Variants in UBE4B observed in about 807,000 individuals in gnomAD.
The protein encoded by UBE4B is ubiquitination factor E4B, also known as ubiquitin conjugation factor E4 B.
Under a neutral mutation model 148.1 loss-of-function variants are expected in UBE4B, and 27 were observed. That is an observed-to-expected ratio of 0.18 (90% CI 0.13 to 0.25). The LOEUF (loss-of-function observed/expected upper bound fraction) is 0.25. UBE4B is among the 10% of genes least tolerant of loss of function. The probability of loss-of-function intolerance (pLI) is 1.00; values close to 1 mark genes in which losing one functional copy is unlikely to be tolerated. For missense variants in UBE4B, 1,170 were observed against 1,662.4 expected, an observed-to-expected ratio of 0.70 and a Z score of 5.15; for synonymous variants, 596 against 619.3, an observed-to-expected ratio of 0.96 and a Z score of 0.56.
intron 23 of UBE4B, among the ~76,000 whole-genome samples, chr1:10,165,023 C>T (rs546537257): frequency 7.2e-5 from 11 of 152,174 alleles, no homozygotes; most frequent in Admixed American, 3.9e-4. Context: ...TGATGTCCCC[C>T]GGTGAACATC....
At chr1:10,175,719 C>T (rs1646419433) in intron 25 of UBE4B, among the ~76,000 whole-genome samples, 3 of 151,916 alleles carry the variant, frequency 2.0e-5, no homozygotes. Flanking sequence ...GTCACACTTC[C>T]CCCATGCAGT....
At chr1:10,074,112 A>G (rs986627160) in intron 2 of UBE4B, among the ~76,000 whole-genome samples, 12 of 151,792 alleles carry the variant, frequency 7.9e-5, no homozygotes, top group African/African-American at 2.9e-4. Context: ...CTCTGGCCTC[A>G]TATTTCATTG....
chr1:10,149,071 A>G, intron 19 of UBE4B, 113 bp from the exon 20 acceptor site: 2 of 730,762 alleles, frequency 2.7e-6, no homozygotes, highest in Non-Finnish European at 4.4e-6. Flanking sequence ...ATAGTATTAC[A>G]GAATGATTTT....
intron 17 of UBE4B, among the ~76,000 whole-genome samples, chr1:10,141,354 C>T (rs1009855372): frequency 6.6e-6 from 1 of 151,910 alleles, no homozygotes; most frequent in South Asian, 2.1e-4. Flanking sequence ...CAGGGAGAGA[C>T]GGAATGTGAT....
At position 10,095,608 on chromosome 1, in the gene UBE4B, C is replaced by A. The variant is rs753730258; in HGVS notation, c.347+12C>A. 2 of 1,613,658 alleles carry A rather than the reference C, an allele frequency of 1.2e-6. No homozygotes were observed. The highest frequency in any genetic ancestry group is 4.5e-5 in the East Asian group (2 of 44,872). Reference sequence around the variant, plus strand: ...TCATGTGAGAAAAGGTAAAATGAAGCCAGTTTTCTAATATGCTCTTTTATT... The same window carrying A: ...TCATGTGAGAAAAGGTAAAATGAAGACAGTTTTCTAATATGCTCTTTTATT... On this transcript the variant is annotated intron_variant, in intron 3 of 27. Coordinates refer to ENST00000343090, the MANE Select transcript of UBE4B (RefSeq NM_001105562.3).
intron 1 of UBE4B, among the ~76,000 whole-genome samples, chr1:10,034,952 C>T (rs1370978882): frequency 6.6e-6 from 1 of 151,724 alleles, no homozygotes; most frequent in East Asian, 1.9e-4. Flanking sequence ...TTCTTTCATT[C>T]GGTAGGAAAT....
intron 1 of UBE4B, among the ~76,000 whole-genome samples, chr1:10,062,302 C>T (rs147480170): frequency 2.1e-4 from 32 of 151,712 alleles, no homozygotes; most frequent in African/African-American, 7.2e-4. Flanking sequence ...AAAATACATT[C>T]GATGTGTGTT....
At chr1:10,095,424 C>G (rs1257878484) in intron 2 of UBE4B, 37 bp from the exon 3 acceptor site, 1 of 1,609,470 alleles carries the variant, frequency 6.2e-7, no homozygotes, top group South Asian at 1.1e-5. Flanking sequence ...AACATTATTT[C>G]ACATGGGGCT....
intron 1 of UBE4B, chr1:10,059,584 A>G: frequency 4.7e-6 from 1 of 212,564 alleles, no homozygotes. Flanking sequence ...CATTGAGCTC[A>G]TGCAGTTCCC....
intron 2 of UBE4B, among the ~76,000 whole-genome samples, chr1:10,092,822 C>CT (rs965888099): frequency 1.3e-5 from 2 of 150,644 alleles, no homozygotes; most frequent in Admixed American, 6.6e-5. Context: ...GAGTGAAACT[C>CT]TATCTCAAAA....
At chr1:10,165,985 GT>G (rs1646239868) in intron 23 of UBE4B, among the ~76,000 whole-genome samples, 1 of 152,172 alleles carries the variant, frequency 6.6e-6, no homozygotes, top group Non-Finnish European at 1.5e-5. Context: ...ACACATTTAG[GT>G]AGTTCACGCC....
intron 10 of UBE4B, among the ~76,000 whole-genome samples, chr1:10,123,643 G>T (rs1346236494): frequency 6.6e-6 from 1 of 152,094 alleles, no homozygotes; most frequent in Non-Finnish European, 1.5e-5. Context: ...TACACAAGAG[G>T]TTATGAAATG....
At chr1:10,150,868 A>G (rs1372269987) in intron 20 of UBE4B, among the ~76,000 whole-genome samples, 1 of 147,426 alleles carries the variant, frequency 6.8e-6, no homozygotes, top group Non-Finnish European at 1.5e-5. Flanking sequence ...TCAAGAAAAA[A>G]AAAAAAAAAT....
intron 9 of UBE4B, among the ~76,000 whole-genome samples, chr1:10,120,453 G>A (rs1444933908): frequency 6.6e-6 from 1 of 152,234 alleles, no homozygotes; most frequent in Non-Finnish European, 1.5e-5. Flanking sequence ...AACCCAGGAG[G>A]TGGAGGTTGC....
chr1:10,147,591 A>G (rs1645896123), intron 19 of UBE4B, among the ~76,000 whole-genome samples: 1 of 152,280 alleles, frequency 6.6e-6, no homozygotes, highest in Non-Finnish European at 1.5e-5. Flanking sequence ...ATTAGTTACA[A>G]TAATAGGCAA....
chr1:10,111,602 A>G (rs1470163632), intron 7 of UBE4B, among the ~76,000 whole-genome samples: 1 of 152,144 alleles, frequency 6.6e-6, no homozygotes, highest in African/African-American at 2.4e-5. Flanking sequence ...ATCCATTAGC[A>G]ACATTTGTTT....
At position 10,173,799 on chromosome 1, in the gene UBE4B, C is replaced by T. The variant is rs529160186; in HGVS notation, c.3525+2470C>T. 8.5e-5 allele frequency among the ~76,000 whole-genome samples: 13 copies of T among 152,290 alleles called. No individual in the cohort carries two copies. In the South Asian group the frequency reaches 2.1e-3, roughly 24 times the overall value. On this transcript the variant is annotated intron_variant, in intron 25 of 27. Transcript: ENST00000343090. ...TGGCTGCCACATCACAGGCGCTTAA[C>T]GTAACACACAGAAGGTTTCGGTGTG... is the stretch of plus-strand genomic sequence containing the variant.
At chr1:10,042,081 C>G (rs1470034696) in intron 1 of UBE4B, among the ~76,000 whole-genome samples, 1 of 152,160 alleles carries the variant, frequency 6.6e-6, no homozygotes, top group Non-Finnish European at 1.5e-5. Flanking sequence ...ATTACAGGCG[C>G]CCGCCGCCAG....
At chr1:10,057,154 T>A (rs1570794166) in intron 1 of UBE4B, among the ~76,000 whole-genome samples, 1 of 152,078 alleles carries the variant, frequency 6.6e-6, no homozygotes, top group East Asian at 1.9e-4. Flanking sequence ...ATATTTTAAG[T>A]ATTATGGGTG....
Sources: gnomAD v4.1 joint callset for allele counts (sites outside exome capture counted in the v4.1 genomes callset) on GRCh38, gnomAD v4.1.1 for gene constraint, MANE v1.5 for transcripts, NCBI Gene and HGNC (gene_info 2026-07-23, HGNC 2026-07-21) for gene names.